The following RRAS2 variants were observed in gnomAD, a reference collection of about 807,000 sequenced individuals.
RRAS2 encodes ras-related protein R-Ras2.
In RRAS2, 7 loss-of-function variants were observed where a neutral mutation model predicts 27.6. The observed-to-expected ratio is 0.25, with a 90% CI of 0.14 to 0.48. The LOEUF is 0.48. Among genes scored for constraint, RRAS2 ranks in the 20% least tolerant of loss-of-function variants. RRAS2 has a pLI of 0.99. For synonymous variants in RRAS2, 86 were observed against 90.9 expected (o/e 0.95, Z 0.31); for missense variants, 178 against 256.2 (o/e 0.69, Z 2.08).
At chr11:14,281,416 T>C (rs1849532597) in intron 5 of RRAS2, among the ~76,000 whole-genome samples, 186 bp downstream of exon 5, 1 of 152,230 alleles carries the variant, frequency 6.6e-6, no homozygotes, top group South Asian at 2.1e-4. Context: ...AAATCCTATG[T>C]GTACTTTATA....
chr11:14,292,345 T>C (rs1257777192), intron 4 of RRAS2, among the ~76,000 whole-genome samples: 3 of 152,104 alleles, frequency 2.0e-5, no homozygotes, highest in African/African-American at 7.2e-5. Context: ...CATGAGAAGG[T>C]TTGAGAAAGA....
rs1848488281 is a variant in RRAS2 at position 14,331,926 on chromosome 11, G to A, written c.108+26837C>T. The stretch of plus-strand genomic sequence containing the variant: ...AAAGGAGCTATACCAATGGCCAATA[G>A]GCACATAAAAAGATGCTGAATATCA... On this transcript the variant is annotated intron_variant, in intron 1 of 5. Transcript: ENST00000256196. 1.3e-5 allele frequency among the ~76,000 whole-genome samples: 2 copies of A among 151,986 alleles called. 1 individual carries two copies. The highest frequency in any genetic ancestry group is 4.2e-4 in the South Asian group (2 of 4,816).
chr11:14,280,165 T>TA (rs1849483664), intron 5 of RRAS2, among the ~76,000 whole-genome samples: 1 of 152,110 alleles, frequency 6.6e-6, no homozygotes, highest in Admixed American at 6.5e-5. Context: ...TTTTCCATCT[T>TA]AATCATTTTT....
chr11:14,356,235 G>A (rs1208268414), intron 1 of RRAS2, among the ~76,000 whole-genome samples: 3 of 152,050 alleles, frequency 2.0e-5, no homozygotes, highest in African/African-American at 7.2e-5. Flanking sequence ...CCAGATCACA[G>A]GTCCCAAATC....
At chr11:14,347,501 C>A (rs1035414263) in intron 1 of RRAS2, among the ~76,000 whole-genome samples, 2 of 152,098 alleles carry the variant, frequency 1.3e-5, no homozygotes, top group Non-Finnish European at 2.9e-5. Flanking sequence ...TTTTCTGATT[C>A]CCTAATTATG....
chr11:14,294,312 C>G (rs956480165), intron 4 of RRAS2, 159 bp downstream of exon 4: 6 of 422,242 alleles, frequency 1.4e-5, no homozygotes, highest in Non-Finnish European at 2.1e-5. Context: ...CCCGCTGTGA[C>G]TTCTGTAAAT....
intron 1 of RRAS2, among the ~76,000 whole-genome samples, chr11:14,331,734 AT>A: frequency 6.6e-6 from 1 of 151,736 alleles, no homozygotes; most frequent in Middle Eastern, 3.4e-3. Context: ...GGATGTAAGT[AT>A]TAAAAGGGAA....
rs1223968093 is a variant in RRAS2, at chr11:14,327,586, CCT to C, written c.108+31175_108+31176del. ...TTGCCTGAGCATCTTTCTCTACCCC[CCT>C]TTCTCTTCACTTGATTTCATGTGAA... On this transcript the variant is annotated intron_variant, in intron 1 of 5. Coordinates refer to ENST00000256196, the MANE Select transcript of RRAS2 (RefSeq NM_012250.6). Among the ~76,000 whole-genome samples the C allele has an allele frequency of 1.8e-4, 28 of 152,276 alleles. No homozygotes were observed. In the East Asian group the frequency reaches 5.4e-3, roughly 29 times the overall value.
intron 1 of RRAS2, among the ~76,000 whole-genome samples, chr11:14,303,718 G>A (rs566596327): frequency 6.6e-6 from 1 of 152,110 alleles, no homozygotes; most frequent in African/African-American, 2.4e-5. Flanking sequence ...AGTTGGGCTG[G>A]GGGATGTGAG....
chr11:14,359,468 T>C (rs767733929), upstream of RRAS2, among the ~76,000 whole-genome samples: 1 of 152,244 alleles, frequency 6.6e-6, no homozygotes, highest in Non-Finnish European at 1.5e-5. Flanking sequence ...AATAGGGCTG[T>C]TGGCATATTA....
chr11:14,334,531 TACACACACACACAC>T (rs145228825), intron 1 of RRAS2, among the ~76,000 whole-genome samples: 1 of 143,782 alleles, frequency 7.0e-6, no homozygotes, highest in Admixed American at 7.0e-5. Flanking sequence ...CATCCATACA[TACACACACACACAC>T]ACACACACAC....
chr11:14,319,954 T>G (rs1193616247), intron 1 of RRAS2, among the ~76,000 whole-genome samples: 2 of 152,222 alleles, frequency 1.3e-5, no homozygotes, highest in Non-Finnish European at 2.9e-5. Context: ...TGTAGCTATG[T>G]TACATGTTTA....
At chr11:14,328,456 T>C (rs1245424912) in intron 1 of RRAS2, among the ~76,000 whole-genome samples, 3 of 149,842 alleles carry the variant, frequency 2.0e-5, no homozygotes, top group African/African-American at 7.4e-5. Context: ...ATATCAAACA[T>C]GGTAAAATTT....
At chr11:14,316,260 T>C (rs1848102518) in intron 1 of RRAS2, among the ~76,000 whole-genome samples, 1 of 152,228 alleles carries the variant, frequency 6.6e-6, no homozygotes, top group Non-Finnish European at 1.5e-5. Context: ...TTAGTCTTTT[T>C]ACTTCACTCA....
rs186771770 is a variant in RRAS2, at chr11:14,324,249, C to T, written c.109-28394G>A. ...AGTCTACATAGTCCCCTCAACCTGT[C>T]GAAAAAATAAACAGCAAAAAAAAAT... On this transcript the variant is annotated intron_variant, in intron 1 of 5. Coordinates refer to ENST00000256196, the MANE Select transcript of RRAS2 (RefSeq NM_012250.6). Among the ~76,000 whole-genome samples, 96 of 151,324 alleles carry T rather than the reference C, an allele frequency of 6.3e-4. 1 individual carries two copies. Among genetic ancestry groups the T allele is most frequent in the African/African-American group, 2.1e-3 (88 of 41,280 alleles).
chr11:14,357,466 C>T (rs577732299), intron 1 of RRAS2, among the ~76,000 whole-genome samples: 2 of 152,204 alleles, frequency 1.3e-5, no homozygotes, highest in Non-Finnish European at 2.9e-5. Flanking sequence ...ACCCCTTACT[C>T]AGTGATTTTT....
intron 1 of RRAS2, among the ~76,000 whole-genome samples, chr11:14,353,570 C>T (rs1306261388): frequency 2.0e-5 from 3 of 151,284 alleles, no homozygotes; most frequent in Non-Finnish European, 4.4e-5. Context: ...GCACTCTAGC[C>T]TGAACAAGAG....
At chr11:14,349,891 T>C (rs558163720) in intron 1 of RRAS2, among the ~76,000 whole-genome samples, 1 of 152,326 alleles carries the variant, frequency 6.6e-6, no homozygotes, top group South Asian at 2.1e-4. Context: ...GTGTTTTTAT[T>C]TGTCATCAGT....
intron 1 of RRAS2, among the ~76,000 whole-genome samples, chr11:14,300,375 G>A (rs183368570): frequency 6.0e-4 from 92 of 152,212 alleles, no homozygotes; most frequent in Non-Finnish European, 1.1e-3. Context: ...GATAAAATCG[G>A]GTCTGGCAAG....
Sources: allele counts gnomAD v4.1 joint callset (sites outside exome capture counted in the v4.1 genomes callset), GRCh38; gene constraint gnomAD v4.1.1; transcripts MANE v1.5; gene names NCBI Gene and HGNC (gene_info 2026-07-23, HGNC 2026-07-21).